LAYN: variants seen among roughly 807,000 people sequenced by gnomAD.
LAYN encodes the protein layilin.
In LAYN, 38 loss-of-function variants were observed where a neutral mutation model predicts 43.6. The ratio of observed to expected loss-of-function variants is 0.87; its 90% CI spans 0.67 to 1.14. The LOEUF (loss-of-function observed/expected upper bound fraction) is 1.14. Ranked by LOEUF, LAYN falls within the 50% of genes most tolerant of loss-of-function variation. LAYN has a pLI of 0.00. For synonymous variants in LAYN, 168 were observed against 172.9 expected (o/e 0.97, Z 0.22); for missense variants, 479 against 463.8 (o/e 1.03, Z -0.30).
chr11:111,543,459 C>G (rs1261572734), intron 1 of LAYN, among the ~76,000 whole-genome samples: 1 of 152,176 alleles, frequency 6.6e-6, no homozygotes, highest in African/African-American at 2.4e-5. Context: ...ATTCTCAGTC[C>G]TGCTGCACAG....
chr11:111,541,333 C>G (rs537840530), intron 1 of LAYN: 33 of 607,766 alleles, frequency 5.4e-5, no homozygotes, highest in Non-Finnish European at 8.5e-5. Flanking sequence ...GCCTACCGCC[C>G]GCTCCGGGAG....
Position 111,558,128 on chromosome 11 carries a change from A to T in LAYN, c.761+485A>T, listed in dbSNP as rs999892421. On this transcript the variant is annotated intron_variant, in intron 6 of 6. Transcript: ENST00000375614. The stretch of plus-strand genomic sequence containing the variant: ...TTTTCTTTTAATTCAGTACACAAGT[A>T]TAGAGTGCTATAAAATAGCTACACT... Among the ~76,000 whole-genome samples, 3 of 152,370 alleles carry T rather than the reference A, an allele frequency of 2.0e-5. No individual in the cohort carries two copies. The East Asian group carries it at 5.8e-4, about 29-fold the overall frequency.
At position 111,557,609 on chromosome 11, in the gene LAYN, A is replaced by G; in HGVS notation, c.727A>G (p.Thr243Ala). Residue 243 changes from threonine (T) to alanine (A), a missense_variant, in exon 6 of 7, where the codon ACA becomes GCA. Transcript: ENST00000375614. ...CCTTCTCCTCCTCCTTGTGGTCACCACAGTTGTATGTTGGGTTTGGATCTG... is the reference window on the plus strand; with the variant it reads ...CCTTCTCCTCCTCCTTGTGGTCACCGCAGTTGTATGTTGGGTTTGGATCTG... ...IPLLLLLVVTTVVCWVWICRK... is the reference protein window; with the variant it reads ...IPLLLLLVVTAVVCWVWICRK... The G allele has an allele frequency of 6.2e-7, 1 of 1,614,136 alleles. No homozygotes were observed. Among genetic ancestry groups the G allele is most frequent in the Admixed American group, 1.7e-5 (1 of 60,020 alleles).
In LAYN at chr11:111,561,649, C is replaced by G. The variant is rs1867959874; in HGVS notation, c.*1191C>G. 6.6e-6 allele frequency: 1 copy of G among 152,138 alleles called. No homozygotes were observed. The highest frequency in any genetic ancestry group is 2.4e-5 in the African/African-American group (1 of 41,438). The allele number at this position is 152,138 out of a possible 1,614,324, so 9.4% of individuals were successfully genotyped here. On this transcript the variant is annotated 3_prime_UTR_variant, in exon 7 of 7. Transcript: ENST00000375614. ...TAAATCACCAGCAATTTCCCTCAAT[C>G]AGCTTCATAATCTCATATTTTAACC... is the stretch of plus-strand genomic sequence containing the variant.
rs1225928927 is a variant in LAYN at position 111,544,225 on chromosome 11, G to C, written c.383+5G>C. 5 of 1,608,962 alleles carry C rather than the reference G, an allele frequency of 3.1e-6. No individual in the cohort carries two copies. Among genetic ancestry groups the C allele is most frequent in the Non-Finnish European group, 4.2e-6 (5 of 1,177,438 alleles). On this transcript the variant is annotated splice_donor_5th_base_variant and intron_variant, in intron 2 of 6. Coordinates refer to ENST00000375614, the MANE Select transcript of LAYN (RefSeq NM_178834.5). ...TGGCAGCATATCACAATTTAGGTAA[G>C]TGTGTGGAACCCACAGCTGCTGACT... is the stretch of plus-strand genomic sequence containing the variant.
intron 2 of LAYN, 132 bp from the exon 3 acceptor site, chr11:111,549,486 C>A: frequency 3.0e-6 from 2 of 676,432 alleles, no homozygotes; most frequent in Non-Finnish European, 4.6e-6. Context: ...TCAATTCCTA[C>A]CTCTCTCTGT....
chr11:111,545,076 T>TATATATA (rs35836917), intron 2 of LAYN, among the ~76,000 whole-genome samples: 6 of 145,772 alleles, frequency 4.1e-5, no homozygotes, highest in Non-Finnish European at 8.9e-5. Flanking sequence ...ATATATATAT[T>TATATATA]TTTTACCTAT....
At chr11:111,542,449 C>T (rs189725178) in intron 1 of LAYN, among the ~76,000 whole-genome samples, 70 of 152,360 alleles carry the variant, frequency 4.6e-4, no homozygotes, top group Non-Finnish European at 5.1e-4. Flanking sequence ...TGAAGACTCA[C>T]TGGAGCTTTC....
At position 111,560,597 on chromosome 11, in the gene LAYN, A is replaced by C. The variant is rs1591572728; in HGVS notation, c.*139A>C. On this transcript the variant is annotated 3_prime_UTR_variant, in exon 7 of 7. Coordinates refer to ENST00000375614, the MANE Select transcript of LAYN (RefSeq NM_178834.5). ...TGTGGATGAGCATGTGGTCCCCACGACCTCCTGTTGGACCCCCACGTTTTG... is the reference window on the plus strand; with the variant it reads ...TGTGGATGAGCATGTGGTCCCCACGCCCTCCTGTTGGACCCCCACGTTTTG... 1 of 952,386 alleles carries C rather than the reference A, an allele frequency of 1.0e-6. No homozygotes were observed. Among genetic ancestry groups the C allele is most frequent in the Non-Finnish European group, 1.5e-6 (1 of 654,298 alleles). The allele number at this position is 952,386 out of a possible 1,614,324, so 59.0% of individuals were successfully genotyped here. A position where few individuals can be genotyped will look rare whatever the true frequency, so the allele number is the denominator to read the frequency against.
chr11:111,541,996 G>A (rs980570348), intron 1 of LAYN, among the ~76,000 whole-genome samples: 1 of 152,166 alleles, frequency 6.6e-6, no homozygotes, highest in Admixed American at 6.5e-5. Flanking sequence ...CGCAGACTTC[G>A]GATGTGTGGC....
intron 1 of LAYN, 34 bp downstream of exon 1, chr11:111,540,962 G>C: frequency 6.6e-7 from 1 of 1,519,160 alleles, no homozygotes; most frequent in Non-Finnish European, 8.8e-7. Flanking sequence ...GGCTGGTGCC[G>C]GGGTGGGCTC....
chr11:111,556,390 G>A (rs1867843314), intron 5 of LAYN, among the ~76,000 whole-genome samples: 1 of 152,168 alleles, frequency 6.6e-6, no homozygotes, highest in African/African-American at 2.4e-5. Flanking sequence ...TCCAAAAGAG[G>A]TCAGGCTGCT....
intron 3 of LAYN, among the ~76,000 whole-genome samples, chr11:111,551,931 T>C (rs371502727): frequency 3.1e-3 from 469 of 152,252 alleles, no homozygotes; most frequent in African/African-American, 0.01. Context: ...TTTGTAAATA[T>C]GGACAAAAAT....
At chr11:111,558,873 C>T (rs544725448) in intron 6 of LAYN, among the ~76,000 whole-genome samples, 6 of 151,476 alleles carry the variant, frequency 4.0e-5, no homozygotes, top group East Asian at 1.9e-4. Context: ...CTGCAACCTC[C>T]GCCTCCCGGG....
At position 111,557,572 on chromosome 11, in the gene LAYN, C is replaced by T. The variant is rs776889593; in HGVS notation, c.690C>T (p.Ile230=). The T allele has an allele frequency of 1.9e-6, 3 of 1,614,124 alleles. No individual in the cohort carries two copies. The change falls in exon 6 of 7, where the codon ATC becomes ATT. Residue 230 remains isoleucine (I), a synonymous_variant. Coordinates refer to ENST00000375614, the MANE Select transcript of LAYN (RefSeq NM_178834.5). ...EAALNLAYIL[I]PSIPLLLLLV... is the part of the protein sequence containing the mutation. ...CCTTGAATCTGGCCTACATCCTAAT[C>T]CCCAGCATTCCCCTTCTCCTCCTCC...
chr11:111,554,523 T>C (rs201129226), intron 3 of LAYN, 38 bp from the exon 4 acceptor site: 1,028 of 1,542,806 alleles, frequency 6.7e-4, no homozygotes, highest in Non-Finnish European at 8.1e-4. Flanking sequence ...CCATAAAAAC[T>C]TACTACTTAT....
At chr11:111,555,409 G>A (rs1867819778) in intron 5 of LAYN, 119 bp downstream of exon 5, 3 of 684,582 alleles carry the variant, frequency 4.4e-6, no homozygotes, top group Non-Finnish European at 7.6e-6. Flanking sequence ...GAACTAGACA[G>A]GGCATGTGTG....
In LAYN at chr11:111,549,659, G is replaced by T. The variant is rs1465545853; in HGVS notation, c.425G>T (p.Cys142Phe). The T allele has an allele frequency of 2.5e-6, 4 of 1,595,032 alleles. No homozygotes were observed. In the African/African-American group the frequency reaches 4.1e-5, roughly 16 times the overall value. The change falls in exon 3 of 7, where the codon TGC becomes TTC. Residue 142 changes from cysteine (C) to phenylalanine (F), a missense_variant. Coordinates refer to ENST00000375614, the MANE Select transcript of LAYN (RefSeq NM_178834.5). ...GAGCCATCCTGCGGCAGCGAGGTCT[G>T]CGTGGTCATGTACCATCAGCCATCG... The part of the protein sequence containing the change: ...VDEPSCGSEV[C>F]VVMYHQPSAP...
intron 3 of LAYN, chr11:111,551,516 A>G: frequency 2.3e-6 from 1 of 434,832 alleles, no homozygotes; most frequent in Non-Finnish European, 4.6e-6. Flanking sequence ...ACACCTTAGC[A>G]TGCCAGAAGA....
Sources: allele counts gnomAD v4.1 joint callset (sites outside exome capture counted in the v4.1 genomes callset), GRCh38; gene constraint gnomAD v4.1.1; transcripts MANE v1.5; gene names NCBI Gene and HGNC (gene_info 2026-07-23, HGNC 2026-07-21).